Variants in SEZ6L observed in about 807,000 individuals in gnomAD.
SEZ6L encodes the protein seizure related 6 homolog like, also known as seizure 6-like protein.
In SEZ6L, 37 loss-of-function variants were observed where a neutral mutation model predicts 106.2. The ratio of observed to expected loss-of-function variants is 0.35; its 90% CI spans 0.27 to 0.46. The LOEUF (loss-of-function observed/expected upper bound fraction) is 0.46, where lower values mean the gene tolerates loss of function less well. Among genes scored for constraint, SEZ6L ranks in the 20% least tolerant of loss-of-function variants. The pLI, the probability that SEZ6L is intolerant of heterozygous loss-of-function variation, is 1.00. For synonymous variants in SEZ6L, 541 were observed against 570.4 expected, an observed-to-expected ratio of 0.95 and a Z score of 0.73; for missense variants, 1,172 against 1,332.8, an observed-to-expected ratio of 0.88 and a Z score of 1.88.
At chr22:26,303,241 T>G (rs1279433962) in intron 5 of SEZ6L, among the ~76,000 whole-genome samples, 1 of 152,218 alleles carries the variant, frequency 6.6e-6, no homozygotes, top group Non-Finnish European at 1.5e-5. Flanking sequence ...TGGAGCTTCT[T>G]GGCAATGTCT....
chr22:26,355,081 TA>T (rs1199592312), intron 12 of SEZ6L, among the ~76,000 whole-genome samples: 2 of 152,242 alleles, frequency 1.3e-5, no homozygotes, highest in African/African-American at 4.8e-5. Flanking sequence ...TTGTCAGACA[TA>T]AAACAGCTTT....
intron 1 of SEZ6L, among the ~76,000 whole-genome samples, chr22:26,209,827 A>G (rs1246817838): frequency 1.1e-5 from 1 of 92,504 alleles, no homozygotes; most frequent in Non-Finnish European, 2.3e-5. Context: ...GGAAGAAAGG[A>G]AAAAAGTAGG....
At chr22:26,201,382 C>CAAAAAAAAAAAAAAAAAAAAAAAAAGAA (rs71192905) in intron 1 of SEZ6L, among the ~76,000 whole-genome samples, 1 of 75,320 alleles carries the variant, frequency 1.3e-5, no homozygotes, top group African/African-American at 5.7e-5. Flanking sequence ...TACAAAAATA[C>CAAAAAAAAAAAAAAAAAAAAAAAAAGAA]AAAAAAAAAA....
chr22:26,370,302 G>A (rs62224566), intron 13 of SEZ6L, among the ~76,000 whole-genome samples: 2,231 of 152,104 alleles, frequency 0.015, 28 homozygotes, highest in Middle Eastern at 0.027. Context: ...GGACAATGGC[G>A]TGAACGTGGG....
At chr22:26,361,520 A>AT (rs1017520990) in intron 12 of SEZ6L, among the ~76,000 whole-genome samples, 202 of 124,246 alleles carry the variant, frequency 1.6e-3, no homozygotes, top group Middle Eastern at 4.0e-3. Context: ...AAAAAAAAAA[A>AT]ATATATATAT....
intron 9 of SEZ6L, among the ~76,000 whole-genome samples, chr22:26,333,169 C>T (rs2082540605): frequency 6.6e-6 from 1 of 152,184 alleles, no homozygotes; most frequent in Non-Finnish European, 1.5e-5. Flanking sequence ...TGCTCAGGCC[C>T]TTGAAGGGGC....
chr22:26,351,609 C>T (rs1226616625), intron 12 of SEZ6L, among the ~76,000 whole-genome samples: 1 of 152,100 alleles, frequency 6.6e-6, no homozygotes, highest in Non-Finnish European at 1.5e-5. Context: ...TGCAGTGGCA[C>T]CATCTTGGCT....
rs2084420032 is a variant in SEZ6L, at chr22:26,381,888, C to T, written c.*1593C>T. 1 of 408,704 alleles carries T rather than the reference C, an allele frequency of 2.4e-6. No homozygotes were observed. Among genetic ancestry groups the T allele is most frequent in the East Asian group, 6.1e-5 (1 of 16,334 alleles). The allele number at this position is 408,704 out of a possible 1,614,324, so 25.3% of individuals were successfully genotyped here. A position where few individuals can be genotyped will look rare whatever the true frequency, so the allele number is the denominator to read the frequency against. ...CATTCTCTCTGGAATTGTTTCAAGT[C>T]TGCTGGTTTTCAAACAAGAAAAGAC... On this transcript the variant is annotated 3_prime_UTR_variant, in exon 17 of 17. Transcript: ENST00000248933.
intron 12 of SEZ6L, among the ~76,000 whole-genome samples, chr22:26,356,278 A>G (rs997677839): frequency 6.6e-6 from 1 of 152,226 alleles, no homozygotes; most frequent in Non-Finnish European, 1.5e-5. Flanking sequence ...ATCTCTTCAC[A>G]GCATAGTAGC....
intron 1 of SEZ6L, among the ~76,000 whole-genome samples, chr22:26,196,924 A>G (rs2145669372): frequency 6.6e-6 from 1 of 152,300 alleles, no homozygotes; most frequent in East Asian, 1.9e-4. Flanking sequence ...TTAGAGAGTA[A>G]ACAAGATCAG....
intron 11 of SEZ6L, among the ~76,000 whole-genome samples, chr22:26,348,704 AGGC>A (rs2083150165): frequency 2.5e-5 from 2 of 79,118 alleles, no homozygotes; most frequent in East Asian, 3.7e-4. Flanking sequence ...GAAAGAAAGA[AGGC>A]AAGGGAGGGA....
intron 1 of SEZ6L, among the ~76,000 whole-genome samples, chr22:26,177,038 A>G (rs937041082): frequency 2.6e-5 from 4 of 152,220 alleles, no homozygotes; most frequent in Admixed American, 2.6e-4. Flanking sequence ...CTTAGCCTGT[A>G]TCTAATCAGG....
intron 12 of SEZ6L, among the ~76,000 whole-genome samples, chr22:26,356,685 A>G (rs879404428): frequency 0.016 from 1,665 of 105,974 alleles, 24 homozygotes; most frequent in Middle Eastern, 0.027. Context: ...TAATAATAAT[A>G]ATAATAATGA....
chr22:26,202,194 G>A (rs1941002575), intron 1 of SEZ6L, among the ~76,000 whole-genome samples: 1 of 152,192 alleles, frequency 6.6e-6, no homozygotes, highest in Non-Finnish European at 1.5e-5. Context: ...GATTACAGGT[G>A]TGAGCCACTG....
chr22:26,339,841 C>T (rs1315234218), intron 9 of SEZ6L, among the ~76,000 whole-genome samples: 2 of 152,180 alleles, frequency 1.3e-5, no homozygotes, highest in Non-Finnish European at 2.9e-5. Context: ...AAATGGTTGC[C>T]AATAATGGGA....
chr22:26,292,855 G>A lies in SEZ6L; in HGVS notation c.544G>A (p.Val182Met). 1 of 1,614,162 alleles carries A rather than the reference G, an allele frequency of 6.2e-7. No homozygotes were observed. The highest frequency in any genetic ancestry group is 8.5e-7 in the Non-Finnish European group (1 of 1,180,000). The change falls in exon 2 of 17, where the codon GTG (valine) becomes ATG (methionine). Residue 182 changes from valine to methionine, a missense_variant. Transcript: ENST00000248933. Reference protein sequence around the residue: ...PIVASEEASEVPLWLDRKESA... With the variant: ...PIVASEEASEMPLWLDRKESA... ...CGTGGCCTCCGAGGAGGCATCAGAA[G>A]TGCCCCTTTGGCTGGACCGAAAGGA...
intron 1 of SEZ6L, among the ~76,000 whole-genome samples, chr22:26,228,068 G>A (rs1302054104): frequency 6.6e-6 from 1 of 152,168 alleles, no homozygotes; most frequent in Non-Finnish European, 1.5e-5. Flanking sequence ...ACAAACACTT[G>A]TCAATCACCT....
intron 1 of SEZ6L, among the ~76,000 whole-genome samples, chr22:26,178,106 C>G (rs774781112): frequency 9.9e-5 from 15 of 152,158 alleles, no homozygotes; most frequent in Non-Finnish European, 4.4e-5. Flanking sequence ...TTTCAGTAAA[C>G]CACTGGCGTC....
At chr22:26,315,928 ACCTGTAGT>A (rs2081984651) in intron 9 of SEZ6L, among the ~76,000 whole-genome samples, 1 of 151,126 alleles carries the variant, frequency 6.6e-6, no homozygotes, top group African/African-American at 2.4e-5. Context: ...GCATGGTGGC[ACCTGTAGT>A]CCCAGCTACT....
Sources: allele counts gnomAD v4.1 joint callset (sites outside exome capture counted in the v4.1 genomes callset), GRCh38; gene constraint gnomAD v4.1.1; transcripts MANE v1.5; gene names NCBI Gene and HGNC (gene_info 2026-07-23, HGNC 2026-07-21).